The following PTPRT variants were observed in gnomAD, a reference collection of about 807,000 sequenced individuals.
PTPRT encodes the protein receptor-type tyrosine-protein phosphatase T.
PTPRT carries 56 observed loss-of-function variants against 176.8 expected under a neutral mutation model. That is an observed-to-expected ratio of 0.32 (90% CI 0.26 to 0.40). The LOEUF (loss-of-function observed/expected upper bound fraction) is 0.40, where lower values mean the gene tolerates loss of function less well. Among genes scored for constraint, PTPRT ranks in the 10% least tolerant of loss-of-function variants. The pLI is 1.00. For missense variants in PTPRT, 1,540 were observed against 1,908.2 expected (o/e 0.81, Z 3.60); for synonymous variants, 783 against 739.0 (o/e 1.06, Z -0.96).
At chr20:42,662,130 T>TA (rs1272426356) in intron 7 of PTPRT, among the ~76,000 whole-genome samples, 2 of 152,182 alleles carry the variant, frequency 1.3e-5, no homozygotes, top group African/African-American at 4.8e-5. Context: ...AAAGATAGCA[T>TA]ACTGTCCTCT....
At chr20:42,643,010 G>A (rs565356189) in intron 7 of PTPRT, among the ~76,000 whole-genome samples, 1 of 152,190 alleles carries the variant, frequency 6.6e-6, no homozygotes, top group East Asian at 1.9e-4. Context: ...ACACCCCAAG[G>A]CCAGGCTAGC....
chr20:42,109,716 G>A (rs1159318610), intron 23 of PTPRT, among the ~76,000 whole-genome samples: 1 of 151,738 alleles, frequency 6.6e-6, no homozygotes, highest in African/African-American at 2.4e-5. Context: ...TCTGTAAAAT[G>A]GGAATGTTAA....
intron 7 of PTPRT, among the ~76,000 whole-genome samples, chr20:42,554,124 G>A (rs536141659): frequency 5.3e-5 from 8 of 152,028 alleles, no homozygotes; most frequent in South Asian, 2.1e-4. Flanking sequence ...AAAAGAGTCC[G>A]TAATTGCCTA....
chr20:42,850,221 G>A (rs1249224534), intron 2 of PTPRT, among the ~76,000 whole-genome samples: 3 of 152,192 alleles, frequency 2.0e-5, no homozygotes, highest in African/African-American at 7.2e-5. Flanking sequence ...AAGAACTTGA[G>A]ATTTCTTTGA....
intron 7 of PTPRT, among the ~76,000 whole-genome samples, chr20:42,576,102 C>T (rs61668729): frequency 0.016 from 2,451 of 152,278 alleles, 66 homozygotes; most frequent in African/African-American, 0.057. Context: ...CATTACACTA[C>T]GATCCAGCTG....
At chr20:42,517,305 C>A (rs1386289734) in intron 7 of PTPRT, among the ~76,000 whole-genome samples, 1 of 151,822 alleles carries the variant, frequency 6.6e-6, no homozygotes, top group African/African-American at 2.4e-5. Context: ...GGGTAATTAG[C>A]ATAGAGATTA....
At chr20:42,780,969 ACT>A (rs2077205911) in intron 3 of PTPRT, among the ~76,000 whole-genome samples, 1 of 151,796 alleles carries the variant, frequency 6.6e-6, no homozygotes, top group Non-Finnish European at 1.5e-5. Flanking sequence ...ACATCCTTGA[ACT>A]CTCTGGTTCC....
At chr20:43,098,963 T>C (rs938556967) in intron 1 of PTPRT, among the ~76,000 whole-genome samples, 3 of 152,272 alleles carry the variant, frequency 2.0e-5, no homozygotes, top group Admixed American at 6.5e-5. Context: ...CCCTGCAGTA[T>C]ACCACATTGG....
chr20:42,400,518 G>A (rs2058894754), intron 9 of PTPRT, among the ~76,000 whole-genome samples: 1 of 152,052 alleles, frequency 6.6e-6, no homozygotes, highest in Non-Finnish European at 1.5e-5. Flanking sequence ...GGGGACAACA[G>A]AACTATCTGT....
At chr20:43,001,235 G>T (rs757029229) in intron 1 of PTPRT, among the ~76,000 whole-genome samples, 5 of 152,124 alleles carry the variant, frequency 3.3e-5, no homozygotes, top group Non-Finnish European at 5.9e-5. Context: ...CTGAAAGCTA[G>T]GAGTCACATT....
At chr20:42,501,214 C>T (rs1489104248) in intron 7 of PTPRT, among the ~76,000 whole-genome samples, 3 of 152,134 alleles carry the variant, frequency 2.0e-5, no homozygotes, top group Non-Finnish European at 2.9e-5. Flanking sequence ...TAAGCATCTG[C>T]TCTTTTGTGT....
intron 14 of PTPRT, among the ~76,000 whole-genome samples, chr20:42,247,486 T>A (rs2146908761): frequency 6.6e-6 from 1 of 152,036 alleles, no homozygotes; most frequent in African/African-American, 2.4e-5. Flanking sequence ...ATTCTGTTCC[T>A]TTGTTCTGGT....
chr20:42,469,266 C>T (rs952434203), intron 8 of PTPRT, among the ~76,000 whole-genome samples: 1 of 152,220 alleles, frequency 6.6e-6, no homozygotes, highest in Non-Finnish European at 1.5e-5. Context: ...TGCAGTGGCG[C>T]GATCTCGGCT....
intron 1 of PTPRT, among the ~76,000 whole-genome samples, chr20:42,891,729 T>C (rs907097197): frequency 7.2e-5 from 11 of 152,198 alleles, no homozygotes; most frequent in South Asian, 4.1e-4. Context: ...CTGAATTAAG[T>C]TTTGTAGAGG....
the PTPRT span, among the ~76,000 whole-genome samples, chr20:42,059,336 G>A: frequency 1.3e-5 from 2 of 152,212 alleles, no homozygotes; most frequent in Non-Finnish European, 2.9e-5. Context: ...ATATTGGTAT[G>A]TGTAAGCATG....
chr20:42,862,481 T>C (rs2078679597), intron 2 of PTPRT, among the ~76,000 whole-genome samples: 1 of 152,172 alleles, frequency 6.6e-6, no homozygotes, highest in African/African-American at 2.4e-5. Flanking sequence ...AGAGAGGAAG[T>C]TGGGGTCCAC....
chr20:42,683,187 A>C (rs546308010), intron 6 of PTPRT, among the ~76,000 whole-genome samples: 49 of 152,332 alleles, frequency 3.2e-4, no homozygotes, highest in South Asian at 6.2e-4. Context: ...ATACACAGAC[A>C]GAAACACGGT....
At chr20:42,723,456 T>G (rs562429897) in intron 6 of PTPRT, among the ~76,000 whole-genome samples, 1 of 152,256 alleles carries the variant, frequency 6.6e-6, no homozygotes, top group African/African-American at 2.4e-5. Context: ...CAGAGCTCAC[T>G]ATCTCCATAT....
At chr20:42,654,323 AAGAAAAC>A (rs770392064) in intron 7 of PTPRT, among the ~76,000 whole-genome samples, 10 of 152,144 alleles carry the variant, frequency 6.6e-5, no homozygotes, top group Admixed American at 6.5e-4. Flanking sequence ...TTCAAGGATG[AAGAAAAC>A]AAAAAACAAA....
Sources: allele counts gnomAD v4.1 joint callset (sites outside exome capture counted in the v4.1 genomes callset), GRCh38; gene constraint gnomAD v4.1.1; transcripts MANE v1.5; gene names NCBI Gene and HGNC (gene_info 2026-07-23, HGNC 2026-07-21).